MEGF11: variants seen among roughly 807,000 people sequenced by gnomAD.
MEGF11 encodes multiple epidermal growth factor-like domains protein 11.
MEGF11 carries 126 observed loss-of-function variants against 146.6 expected under a neutral mutation model. The observed-to-expected ratio is 0.86, with a 90% CI of 0.74 to 1.00. MEGF11 has a LOEUF of 1.00. Ranked by LOEUF, MEGF11 falls within the 50% of genes least tolerant of loss-of-function variation. The pLI is 0.00. For missense variants in MEGF11, 1,509 were observed against 1,521.2 expected (o/e 0.99, Z 0.13); for synonymous variants, 532 against 583.4 (o/e 0.91, Z 1.27).
At chr15:65,916,523 TG>T in intron 17 of MEGF11, 1 of 657,024 alleles carries the variant, frequency 1.5e-6, no homozygotes, top group Non-Finnish European at 2.6e-6. Context: ...ACTTCCTGTG[TG>T]GACACAGGCT....
At chr15:65,950,693 T>C (rs1321645050) in intron 10 of MEGF11, among the ~76,000 whole-genome samples, 2 of 152,050 alleles carry the variant, frequency 1.3e-5, no homozygotes, top group African/African-American at 2.4e-5. Context: ...ACACAGCTAA[T>C]ATGCAGCAAA....
chr15:66,162,788 T>G (rs1213768418), intron 1 of MEGF11, among the ~76,000 whole-genome samples: 1 of 152,000 alleles, frequency 6.6e-6, no homozygotes, highest in East Asian at 1.9e-4. Context: ...CTTTACTGCT[T>G]ATCAGTTGTA....
At chr15:66,231,047 C>T (rs1026239022) in intron 1 of MEGF11, among the ~76,000 whole-genome samples, 1 of 151,998 alleles carries the variant, frequency 6.6e-6, no homozygotes, top group Non-Finnish European at 1.5e-5. Context: ...AGAATAAGGT[C>T]CCATGGTTAA....
chr15:66,114,642 G>C (rs1221842872), intron 4 of MEGF11, among the ~76,000 whole-genome samples: 1 of 151,724 alleles, frequency 6.6e-6, no homozygotes, highest in Admixed American at 6.6e-5. Flanking sequence ...AGAAAGGGAA[G>C]CTTGGAGGGA....
chr15:66,090,090 A>G (rs2086261290), intron 5 of MEGF11, among the ~76,000 whole-genome samples: 1 of 152,240 alleles, frequency 6.6e-6, no homozygotes, highest in African/African-American at 2.4e-5. Flanking sequence ...GAAAGAAATT[A>G]GTCCAGGCCT....
At chr15:66,231,492 C>A (rs1301233252) in intron 1 of MEGF11, among the ~76,000 whole-genome samples, 1 of 151,970 alleles carries the variant, frequency 6.6e-6, no homozygotes, top group Non-Finnish European at 1.5e-5. Flanking sequence ...TACATCAGGG[C>A]TCCACAGAGT....
At chr15:66,230,740 T>G (rs1038711539) in intron 1 of MEGF11, among the ~76,000 whole-genome samples, 1 of 152,250 alleles carries the variant, frequency 6.6e-6, no homozygotes, top group Non-Finnish European at 1.5e-5. Flanking sequence ...GGGAGTGCAC[T>G]ATACTGTTCT....
intron 22 of MEGF11, 43 bp downstream of exon 22, chr15:65,909,697 G>A (rs1426476162): frequency 6.6e-7 from 1 of 1,508,824 alleles, no homozygotes; most frequent in Admixed American, 1.9e-5. Flanking sequence ...AGAAGAATAG[G>A]GTGGGACATG....
At position 65,922,425 on chromosome 15, in the gene MEGF11, G is replaced by C. The variant is rs2079203917; in HGVS notation, c.1870C>G (p.Leu624Val). 1.9e-6 allele frequency: 3 copies of C among 1,590,792 alleles called. No individual in the cohort carries two copies. The African/African-American group carries it at 4.0e-5, about 21-fold the overall frequency. Residue 624 changes from leucine to valine, a missense_variant, in exon 15 of 26, where the codon CTC becomes GTC. By Grantham distance (32) the Leu-to-Val change is conservative (BLOSUM62 1). Coordinates refer to ENST00000395614, the MANE Select transcript of MEGF11 (RefSeq NM_001385028.1). Reference sequence around the variant, plus strand: ...CAGGGCCTGCTGCTGTGCACGCAGAGGGGGCATGGCTGGGCGCAGCCGTGG... The same window carrying C: ...CAGGGCCTGCTGCTGTGCACGCAGACGGGGCATGGCTGGGCGCAGCCGTGG... ...YGHGCAQPCP[L>V]CVHSSRPCHH...
At chr15:66,077,146 C>T (rs540633055) in intron 5 of MEGF11, among the ~76,000 whole-genome samples, 1 of 152,298 alleles carries the variant, frequency 6.6e-6, no homozygotes, top group East Asian at 1.9e-4. Flanking sequence ...CCTGCCCTGG[C>T]CCACCAGTCC....
At chr15:66,184,607 G>T (rs2090644971) in intron 1 of MEGF11, among the ~76,000 whole-genome samples, 1 of 111,454 alleles carries the variant, frequency 9.0e-6, no homozygotes, top group Non-Finnish European at 1.7e-5. Context: ...AATCCTTCAA[G>T]ATGGAAGGGT....
rs2082080514 is a variant in MEGF11, at chr15:65,992,456, G to GGC, written c.395-9969_395-9968insGC. Reference sequence around the variant, plus strand: ...GTGCCTCTGTGTGTGTGTGTGGGGGGGGGGGTTAGTCACATCCTGAGGCAC... The same window carrying GGC: ...GTGCCTCTGTGTGTGTGTGTGGGGGGGCGGGGGTTAGTCACATCCTGAGGCAC... On this transcript the variant is annotated intron_variant, in intron 5 of 25. Transcript: ENST00000395614. 9.0e-5 allele frequency among the ~76,000 whole-genome samples: 13 copies of GGC among 145,036 alleles called. 1 individual carries two copies. In the South Asian group the frequency reaches 3.0e-3, roughly 33 times the overall value.
intron 1 of MEGF11, among the ~76,000 whole-genome samples, chr15:66,192,402 G>A (rs567174105): frequency 1.6e-4 from 25 of 151,830 alleles, no homozygotes; most frequent in African/African-American, 5.6e-4. Flanking sequence ...CTGAGGAGAT[G>A]GAGGTTGCAG....
At chr15:66,042,107 CT>C (rs199704077) in intron 5 of MEGF11, among the ~76,000 whole-genome samples, 5 of 143,150 alleles carry the variant, frequency 3.5e-5, no homozygotes, top group African/African-American at 1.3e-4. Flanking sequence ...ATTTCTTTCC[CT>C]TTTTTTTTTT....
chr15:66,156,327 G>A (rs2089757522), intron 1 of MEGF11, among the ~76,000 whole-genome samples: 2 of 152,104 alleles, frequency 1.3e-5, no homozygotes, highest in African/African-American at 4.8e-5. Context: ...TCCATGGAAT[G>A]TTCATGATTA....
At chr15:65,911,843 G>A (rs1005558584) in intron 21 of MEGF11, among the ~76,000 whole-genome samples, 1 of 152,220 alleles carries the variant, frequency 6.6e-6, no homozygotes, top group African/African-American at 2.4e-5. Flanking sequence ...AGGGGTATAT[G>A]TTATACTGAG....
At chr15:66,093,488 G>A (rs1003928139) in intron 5 of MEGF11, among the ~76,000 whole-genome samples, 2 of 152,184 alleles carry the variant, frequency 1.3e-5, no homozygotes, top group African/African-American at 4.8e-5. Context: ...ATCCCTAGTG[G>A]AGCCGCTTGG....
At chr15:66,039,830 C>T (rs1332172143) in intron 5 of MEGF11, among the ~76,000 whole-genome samples, 2 of 31,826 alleles carry the variant, frequency 6.3e-5, no homozygotes, top group Non-Finnish European at 1.3e-4. Flanking sequence ...CCGGGTCAGG[C>T]GGCGGTGGGG....
Position 65,982,470 on chromosome 15 carries a change from C to A in MEGF11, c.413G>T (p.Trp138Leu). The change falls in exon 6 of 26, where the codon TGG becomes TTG. Residue 138 changes from tryptophan (W) to leucine (L), a missense_variant. Coordinates refer to ENST00000395614, the MANE Select transcript of MEGF11 (RefSeq NM_001385028.1). This position sits in a 1 kb window ranked among gnomAD's most constrained non-coding sequence, Gnocchi z 5.6. ...DCSSGCDSDHWGPHCSNRCQC... is the reference protein window; with the variant it reads ...DCSSGCDSDHLGPHCSNRCQC... ...GCACCGGTTGCTGCAGTGGGGCCCC[C>A]AGTGGTCGCTGTCGCAGCCTGCAAG... is the stretch of plus-strand genomic sequence containing the variant. 1 of 1,480,370 alleles carries A rather than the reference C, an allele frequency of 6.8e-7. No homozygotes were observed. The highest frequency in any genetic ancestry group is 1.4e-5 in the African/African-American group (1 of 70,298). 91.7% of individuals were successfully genotyped at this position (1,480,370 alleles called of 1,614,324 possible).
Sources: allele counts gnomAD v4.1 joint callset (sites outside exome capture counted in the v4.1 genomes callset), GRCh38; gene constraint gnomAD v4.1.1; non-coding constraint Gnocchi (gnomAD v3.1); transcripts MANE v1.5; gene names NCBI Gene and HGNC (gene_info 2026-07-23, HGNC 2026-07-21).